Variants in ACE observed in about 807,000 individuals in gnomAD.
ACE encodes the protein angiotensin-converting enzyme.
A neutral mutation model predicts 162.3 loss-of-function variants in ACE; 122 were observed. That is an observed-to-expected ratio of 0.75 (90% CI 0.65 to 0.87). The LOEUF is 0.87. Among genes scored for constraint, ACE ranks in the 40% least tolerant of loss-of-function variants. The pLI, the probability that ACE is intolerant of heterozygous loss-of-function variation, is 0.00. For missense variants in ACE, 1,799 were observed against 1,735.1 expected (o/e 1.04, Z -0.65); for synonymous variants, 796 against 720.6 (o/e 1.10, Z -1.68).
chr17:63,482,657 T>G lies in ACE; in HGVS notation c.1310T>G (p.Ile437Ser). The change falls in exon 8 of 25, where the codon ATC becomes AGC. Residue 437 changes from isoleucine (I) to serine (S), a missense_variant. Coordinates refer to ENST00000290866, the MANE Select transcript of ACE (RefSeq NM_000789.4). ...TCCACTCCTGAACATCTGCACAAAA[T>G]CGGCCTGCTGGACCGTGTCACCAAT... ...SVSTPEHLHK[I>S]GLLDRVTNDT... 1 of 1,613,842 alleles carries G rather than the reference T, an allele frequency of 6.2e-7. No homozygotes were observed. The highest frequency in any genetic ancestry group is 8.5e-7 in the Non-Finnish European group (1 of 1,179,960).
Position 63,490,904 on chromosome 17 carries a change from A to G in ACE, c.2642-50A>G, listed in dbSNP as rs1305766114. 5 of 1,567,662 alleles carry G rather than the reference A, an allele frequency of 3.2e-6. No homozygotes were observed. In the Admixed American group the frequency reaches 6.7e-5, roughly 21 times the overall value. Reference sequence around the variant, plus strand: ...CTTCCTGCAGGAGGGCATTGAGCCTAAGTAACATTTGTCTTTCCTCTCTCT... The same window carrying G: ...CTTCCTGCAGGAGGGCATTGAGCCTGAGTAACATTTGTCTTTCCTCTCTCT... On this transcript the variant is annotated intron_variant, in intron 17 of 24. Coordinates refer to ENST00000290866, the MANE Select transcript of ACE (RefSeq NM_000789.4).
chr17:63,485,581 T>C, intron 13 of ACE: 1 of 638,220 alleles, frequency 1.6e-6, no homozygotes, highest in Non-Finnish European at 2.8e-6. Context: ...ATCAAGACCA[T>C]CCTGGCTAAC....
rs762143020 is a variant in ACE, at chr17:63,483,809, C to A, written c.1587-40C>A. 13 of 1,613,236 alleles carry A rather than the reference C, an allele frequency of 8.1e-6. 1 individual carries two copies. The East Asian group carries it at 2.9e-4, about 36-fold the overall frequency. ...CTGGGTAAGGAACCCCTGTTCCTGG[C>A]CCCCCATGATCTTCCCTGACTCCCA... On this transcript the variant is annotated intron_variant, in intron 10 of 24. Transcript: ENST00000290866.
At chr17:63,496,744 G>T (rs979486512) in intron 23 of ACE, 54 bp from the exon 24 acceptor site, 12 of 1,605,154 alleles carry the variant, frequency 7.5e-6, no homozygotes, top group Non-Finnish European at 1.0e-5. Flanking sequence ...GTCAGGTGGG[G>T]GCAAGAGGGG....
At position 63,479,068 on chromosome 17, in the gene ACE, A is replaced by G. The variant is rs117134739; in HGVS notation, c.479A>G (p.Asn160Ser). Residue 160 changes from asparagine to serine, a missense_variant, in exon 3 of 25, where the codon AAC (asparagine) becomes AGC (serine). Asn to Ser is a conservative substitution (Grantham distance 46). Transcript: ENST00000290866. ...TCCACCGCCAAGGTCTGCCTCCCCA[A>G]CAAGACTGCCACCTGCTGGTCCCTG... ...IYSTAKVCLP[N>S]KTATCWSLDP... 4.9e-4 allele frequency: 783 copies of G among 1,612,986 alleles called. 5 individuals are homozygous for G. The East Asian group carries it at 0.015, about 30-fold the overall frequency.
In ACE at chr17:63,496,786, A is replaced by G. The variant is rs768122980; in HGVS notation, c.3504-12A>G. Reference sequence around the variant, plus strand: ...CCTTCTGACTCTGCCTCCCTGTCTCATGCCTCCCCAGGACCGCCATGAAGC... The same window carrying G: ...CCTTCTGACTCTGCCTCCCTGTCTCGTGCCTCCCCAGGACCGCCATGAAGC... On this transcript the variant is annotated splice_polypyrimidine_tract_variant and intron_variant, in intron 23 of 24. Coordinates refer to ENST00000290866, the MANE Select transcript of ACE (RefSeq NM_000789.4). The G allele has an allele frequency of 1.2e-6, 2 of 1,611,024 alleles. No individual in the cohort carries two copies. Among genetic ancestry groups the G allele is most frequent in the Admixed American group, 1.7e-5 (1 of 60,022 alleles).
chr17:63,480,681 A>G (rs2049692370), intron 5 of ACE, among the ~76,000 whole-genome samples, 153 bp downstream of exon 5: 1 of 152,198 alleles, frequency 6.6e-6, no homozygotes, highest in Admixed American at 6.5e-5. Context: ...GCAGGAGACC[A>G]TTCGTGTTCC....
At chr17:63,479,951 G>T in intron 4 of ACE, 39 bp downstream of exon 4, 1 of 1,583,736 alleles carries the variant, frequency 6.3e-7, no homozygotes. Flanking sequence ...CACGCCAGGT[G>T]TCCTCTCTCA....
chr17:63,477,340 C>G lies in ACE; in HGVS notation c.246C>G (p.Arg82=). Residue 82 remains arginine (R), a synonymous_variant, in exon 1 of 25, where the codon CGC becomes CGG. Coordinates refer to ENST00000290866, the MANE Select transcript of ACE (RefSeq NM_000789.4). ...DTNITAENAR[R]QEEAALLSQE... is the part of the protein sequence containing the mutation. ...ACATCACCGCGGAGAATGCAAGGCG[C>G]CAGGTGGGCGCCCGGGCCCGGGCGG... is the stretch of plus-strand genomic sequence containing the variant. The G allele has an allele frequency of 7.7e-7, 1 of 1,304,616 alleles. No individual in the cohort carries two copies. The highest frequency in any genetic ancestry group is 9.8e-7 in the Non-Finnish European group (1 of 1,015,622). 80.8% of individuals were successfully genotyped at this position (1,304,616 alleles called of 1,614,324 possible). A position where few individuals can be genotyped will look rare whatever the true frequency, so the allele number is the denominator to read the frequency against.
At chr17:63,487,408 G>A (rs1016240637) in intron 15 of ACE, among the ~76,000 whole-genome samples, 15 of 151,958 alleles carry the variant, frequency 9.9e-5, no homozygotes, top group African/African-American at 3.4e-4. Flanking sequence ...GGGGGAACTC[G>A]GGGACACTAG....
chr17:63,493,854 A>G (rs2030551273), intron 20 of ACE, 68 bp from the exon 21 acceptor site: 2 of 1,611,254 alleles, frequency 1.2e-6, no homozygotes, highest in South Asian at 2.2e-5. Flanking sequence ...CCCCTCCACC[A>G]TCACAGGCAC....
rs768306471 is a variant in ACE, at chr17:63,479,023, G to T, written c.434G>T (p.Ser145Ile). The T allele has an allele frequency of 6.8e-6, 11 of 1,613,436 alleles. No individual in the cohort carries two copies. Among genetic ancestry groups the T allele is most frequent in the Non-Finnish European group, 9.3e-6 (11 of 1,179,852 alleles). The change falls in exon 3 of 25, where the codon AGC becomes ATC. Residue 145 changes from serine (S) to isoleucine (I), a missense_variant. Ser to Ile is a moderately radical substitution (Grantham distance 142). Transcript: ENST00000290866. ...ACTCCCCAGTACAACGCCCTGCTAAGCAACATGAGCAGGATCTACTCCACC... is the reference window on the plus strand; with the variant it reads ...ACTCCCCAGTACAACGCCCTGCTAATCAACATGAGCAGGATCTACTCCACC... The part of the protein sequence containing the change: ...AKRQQYNALL[S>I]NMSRIYSTAK...
At chr17:63,485,592 A>G (rs1035231922) in intron 13 of ACE, 5 of 587,624 alleles carry the variant, frequency 8.5e-6, no homozygotes, top group African/African-American at 1.9e-5. Flanking sequence ...CCTGGCTAAC[A>G]CGGTGAAACC....
chr17:63,493,411 C>T (rs1307639309), intron 19 of ACE, 25 bp from the exon 20 acceptor site: 2 of 1,610,672 alleles, frequency 1.2e-6, no homozygotes, highest in Non-Finnish European at 1.7e-6. Context: ...TCCCAACACC[C>T]TCTCCCCCAC....
In ACE at chr17:63,496,792, C is replaced by T. The variant is rs1230154616; in HGVS notation, c.3504-6C>T. On this transcript the variant is annotated splice_polypyrimidine_tract_variant and splice_region_variant and intron_variant, in intron 23 of 24. Coordinates refer to ENST00000290866, the MANE Select transcript of ACE (RefSeq NM_000789.4). ...GACTCTGCCTCCCTGTCTCATGCCT[C>T]CCCAGGACCGCCATGAAGCTGGGCT... The T allele has an allele frequency of 6.2e-7, 1 of 1,611,490 alleles. No homozygotes were observed. Among genetic ancestry groups the T allele is most frequent in the Admixed American group, 1.7e-5 (1 of 60,026 alleles).
In ACE at chr17:63,488,634, C is replaced by A; in HGVS notation, c.2306-14C>A. 6.2e-7 allele frequency: 1 copy of A among 1,612,804 alleles called. No homozygotes were observed. Among genetic ancestry groups the A allele is most frequent in the Non-Finnish European group, 8.5e-7 (1 of 1,179,752 alleles). On this transcript the variant is annotated splice_polypyrimidine_tract_variant and intron_variant, in intron 15 of 24. Coordinates refer to ENST00000290866, the MANE Select transcript of ACE (RefSeq NM_000789.4). ...GCTAAGGGCTGGAGCTCAAGGCATT[C>A]AAACCCCTACCAGATCTGACGAATG...
intron 17 of ACE, among the ~76,000 whole-genome samples, chr17:63,489,437 G>A (rs1484705785): frequency 6.6e-6 from 1 of 152,222 alleles, no homozygotes; most frequent in Non-Finnish European, 1.5e-5. Context: ...AGAGGGCGAG[G>A]AAGAGGCTGT....
At chr17:63,477,404 G>C in intron 1 of ACE, 61 bp downstream of exon 1, 1 of 1,168,752 alleles carries the variant, frequency 8.6e-7, no homozygotes, top group Non-Finnish European at 1.1e-6. Flanking sequence ...ACAGCACGCG[G>C]CCGGCTTGTG....
intron 22 of ACE, 165 bp from the exon 23 acceptor site, chr17:63,496,229 G>A: frequency 1.0e-6 from 1 of 968,876 alleles, no homozygotes. Flanking sequence ...GAGCTGGGGT[G>A]GGGGAGCTCA....
Sources: gnomAD v4.1 joint callset for allele counts (sites outside exome capture counted in the v4.1 genomes callset) on GRCh38, gnomAD v4.1.1 for gene constraint, MANE v1.5 for transcripts, NCBI Gene and HGNC (gene_info 2026-07-23, HGNC 2026-07-21) for gene names.